PCDHGA8: variants seen among roughly 807,000 people sequenced by gnomAD.
PCDHGA8 encodes the protein protocadherin gamma subfamily A, 8, also known as protocadherin gamma-A8.
Under a neutral mutation model 59.2 loss-of-function variants are expected in PCDHGA8, and 45 were observed. The observed-to-expected ratio is 0.76, with a 90% CI of 0.60 to 0.98. The LOEUF (loss-of-function observed/expected upper bound fraction) is 0.98. Among genes scored for constraint, PCDHGA8 ranks in the 50% least tolerant of loss-of-function variants. PCDHGA8 has a pLI of 0.00. For missense variants in PCDHGA8, 1,257 were observed against 1,196.2 expected (o/e 1.05, Z -0.75); for synonymous variants, 531 against 519.0 (o/e 1.02, Z -0.32).
intron 1 of PCDHGA8, among the ~76,000 whole-genome samples, chr5:141,454,209 T>A (rs2098783885): frequency 6.6e-6 from 1 of 152,088 alleles, no homozygotes; most frequent in South Asian, 2.1e-4. Flanking sequence ...TTTATTGACA[T>A]GAATGAGAAA....
chr5:141,453,701 AAC>A (rs1250174252), intron 1 of PCDHGA8, among the ~76,000 whole-genome samples: 1 of 152,240 alleles, frequency 6.6e-6, no homozygotes, highest in Non-Finnish European at 1.5e-5. Context: ...CCTGGCTTTG[AAC>A]AGTTTCACTA....
At chr5:141,399,237 A>C in intron 1 of PCDHGA8, 1 of 1,614,002 alleles carries the variant, frequency 6.2e-7, no homozygotes, top group Non-Finnish European at 8.5e-7. Flanking sequence ...TACATGACCA[A>C]GATTCTGGGG....
intron 1 of PCDHGA8, among the ~76,000 whole-genome samples, chr5:141,481,095 C>T (rs1456056389): frequency 1.3e-5 from 2 of 152,120 alleles, no homozygotes; most frequent in African/African-American, 2.4e-5. Context: ...AAAAGCAGTA[C>T]TCTGGAACCT....
Position 141,489,263 on chromosome 5 carries a change from A to G in PCDHGA8, c.2425-5544A>G. The G allele has an allele frequency of 6.4e-7, 1 of 1,552,104 alleles. No homozygotes were observed. Among genetic ancestry groups the G allele is most frequent in the South Asian group, 1.3e-5 (1 of 79,626 alleles). On this transcript the variant is annotated intron_variant, in intron 1 of 3. Transcript: ENST00000398604. This position sits in a 1 kb window ranked among gnomAD's most constrained non-coding sequence, Gnocchi z 4.5. ...GTCATGGGGCCCAAGACACTCCCAC[A>G]GCTCGCTGGGAAATGGCAAGTGCTG...
In PCDHGA8 at chr5:141,431,468, G is replaced by C. The variant is rs756718016; in HGVS notation, c.2424+36231G>C. 4 of 1,613,804 alleles carry C rather than the reference G, an allele frequency of 2.5e-6. No homozygotes were observed. Among genetic ancestry groups the C allele is most frequent in the Non-Finnish European group, 3.4e-6 (4 of 1,179,964 alleles). On this transcript the variant is annotated intron_variant, in intron 1 of 3. Coordinates refer to ENST00000398604, the MANE Select transcript of PCDHGA8 (RefSeq NM_032088.2). The surrounding 1 kb of genome is among the most constrained non-coding windows in gnomAD (Gnocchi z 4.8). Reference sequence around the variant, plus strand: ...CCGCGTGATGGTTCTGGATGCGAACGACAACGCACCAGCGTTTGCTCAGCC... The same window carrying C: ...CCGCGTGATGGTTCTGGATGCGAACCACAACGCACCAGCGTTTGCTCAGCC...
intron 1 of PCDHGA8, chr5:141,441,746 C>A: frequency 5.4e-6 from 2 of 371,314 alleles, no homozygotes; most frequent in East Asian, 9.8e-5. Flanking sequence ...TCGCGCTCGG[C>A]GTCAACGTGA....
intron 2 of PCDHGA8, among the ~76,000 whole-genome samples, chr5:141,499,884 C>T (rs917762715): frequency 2.0e-5 from 3 of 152,014 alleles, no homozygotes; most frequent in Admixed American, 6.5e-5. Flanking sequence ...AACAGGGTTT[C>T]GCCATGTTGG....
In PCDHGA8 at chr5:141,476,933, GA is replaced by G; in HGVS notation, c.2425-17872del. 1 of 1,614,176 alleles carries G rather than the reference GA, an allele frequency of 6.2e-7. No individual in the cohort carries two copies. Reference sequence around the variant, plus strand: ...ACAAGTCCTTGCAACGGATCTGGATGAAGGCCCCAACGGTGAAATTATTTAC... The same window carrying G: ...ACAAGTCCTTGCAACGGATCTGGATGAGGCCCCAACGGTGAAATTATTTAC... On this transcript the variant is annotated intron_variant, in intron 1 of 3. Transcript: ENST00000398604. This position sits in a 1 kb window ranked among gnomAD's most constrained non-coding sequence, Gnocchi z 7.6.
At chr5:141,444,918 C>T (rs1197922745) in intron 1 of PCDHGA8, among the ~76,000 whole-genome samples, 1 of 152,106 alleles carries the variant, frequency 6.6e-6, no homozygotes, top group Non-Finnish European at 1.5e-5. Flanking sequence ...ATACCTTTAT[C>T]AGGGAAAGAG....
Position 141,431,518 on chromosome 5 carries a change from G to T in PCDHGA8, c.2424+36281G>T. 6.2e-7 allele frequency: 1 copy of T among 1,614,090 alleles called. No individual in the cohort carries two copies. Among genetic ancestry groups the T allele is most frequent in the Non-Finnish European group, 8.5e-7 (1 of 1,180,038 alleles). ...CCGAGTACCGCGCGAGCGTTCCGGA[G>T]AATCTGGCCTTGGGCACGCAGCTGC... On this transcript the variant is annotated intron_variant, in intron 1 of 3. Coordinates refer to ENST00000398604, the MANE Select transcript of PCDHGA8 (RefSeq NM_032088.2). The surrounding 1 kb of genome is among the most constrained non-coding windows in gnomAD (Gnocchi z 4.8).
At chr5:141,405,029 C>A (rs565871444) in intron 1 of PCDHGA8, 1 of 1,613,976 alleles carries the variant, frequency 6.2e-7, no homozygotes, top group South Asian at 1.1e-5. Context: ...TACCCTCTAC[C>A]TCGTTGTGGC....
Position 141,477,412 on chromosome 5 carries a change from C to T in PCDHGA8, c.2425-17395C>T. 6 of 1,614,168 alleles carry T rather than the reference C, an allele frequency of 3.7e-6. No individual in the cohort carries two copies. The highest frequency in any genetic ancestry group is 1.1e-5 in the South Asian group (1 of 91,082). On this transcript the variant is annotated intron_variant, in intron 1 of 3. Coordinates refer to ENST00000398604, the MANE Select transcript of PCDHGA8 (RefSeq NM_032088.2). This position sits in a 1 kb window ranked among gnomAD's most constrained non-coding sequence, Gnocchi z 4.9. ...ACCTCAGCATCACCGCCCGAGACGC[C>T]GGAACCCCTTCCCTCTCAGCCCTTA... is the stretch of plus-strand genomic sequence containing the variant.
At chr5:141,464,116 T>A (rs1195883274) in intron 1 of PCDHGA8, among the ~76,000 whole-genome samples, 1 of 151,922 alleles carries the variant, frequency 6.6e-6, no homozygotes, top group African/African-American at 2.4e-5. Context: ...AATACAAAAA[T>A]TAGCTGGGTG....
At position 141,491,894 on chromosome 5, in the gene PCDHGA8, C is replaced by T. The variant is rs1209251388; in HGVS notation, c.2425-2913C>T. The T allele has an allele frequency of 1.5e-5, 22 of 1,434,752 alleles. No individual in the cohort carries two copies. Among genetic ancestry groups the T allele is most frequent in the Admixed American group, 2.9e-5 (1 of 34,278 alleles). 88.9% of individuals were successfully genotyped at this position (1,434,752 alleles called of 1,614,324 possible). The stretch of plus-strand genomic sequence containing the variant: ...GCCGATTAAGGGATGGGGCTCCGAG[C>T]ACCGGGGGTGGTGGCGACTGTGGGC... On this transcript the variant is annotated intron_variant, in intron 1 of 3. Transcript: ENST00000398604. The surrounding 1 kb of genome is among the most constrained non-coding windows in gnomAD (Gnocchi z 6.9).
chr5:141,399,106 T>C, intron 1 of PCDHGA8: 2 of 1,613,784 alleles, frequency 1.2e-6, no homozygotes, highest in Non-Finnish European at 1.7e-6. Context: ...GGTTGCACAA[T>C]GTACAGTTGA....
intron 1 of PCDHGA8, chr5:141,478,906 C>T: frequency 1.1e-6 from 1 of 906,534 alleles, no homozygotes; most frequent in Non-Finnish European, 1.6e-6. Context: ...GAATAAGCTG[C>T]TGGATACCTC....
intron 1 of PCDHGA8, among the ~76,000 whole-genome samples, chr5:141,461,001 A>G (rs1309762345): frequency 4.0e-5 from 6 of 150,320 alleles, no homozygotes; most frequent in South Asian, 4.2e-4. Context: ...ATATATGTGT[A>G]TATATATATA....
intron 1 of PCDHGA8, among the ~76,000 whole-genome samples, chr5:141,464,300 A>G (rs1349155102): frequency 2.0e-5 from 3 of 149,898 alleles, no homozygotes; most frequent in East Asian, 1.9e-4. Context: ...ACTCCATTGT[A>G]TGTGCACATA....
At chr5:141,398,009 C>A (rs1589315775) in intron 1 of PCDHGA8, 6 of 1,400,558 alleles carry the variant, frequency 4.3e-6, no homozygotes, top group East Asian at 5.1e-5. Flanking sequence ...GAAAAAGAAT[C>A]GTTTCCTAAA....
Sources: gnomAD v4.1 joint callset for allele counts (sites outside exome capture counted in the v4.1 genomes callset) on GRCh38, gnomAD v4.1.1 for gene constraint, Gnocchi (gnomAD v3.1) non-coding constraint, MANE v1.5 for transcripts, NCBI Gene and HGNC (gene_info 2026-07-23, HGNC 2026-07-21) for gene names.